Variants in SPECC1 observed in about 807,000 individuals in gnomAD.
SPECC1 encodes the protein sperm antigen with calponin homology and coiled-coil domains 1, also known as cytospin-B.
Under a neutral mutation model 104.1 loss-of-function variants are expected in SPECC1, and 62 were observed. That is an observed-to-expected ratio of 0.60 (90% CI 0.49 to 0.74). The LOEUF (loss-of-function observed/expected upper bound fraction) is 0.74, where lower values mean the gene tolerates loss of function less well. SPECC1 is among the 30% of genes least tolerant of loss of function. The probability of loss-of-function intolerance (pLI) is 0.00; values close to 1 mark genes in which losing one functional copy is unlikely to be tolerated. For synonymous variants in SPECC1, 513 were observed against 501.6 expected (o/e 1.02, Z -0.30); for missense variants, 1,306 against 1,310.5 (o/e 1.00, Z 0.05).
chr17:20,152,466 A>G (rs950742925), intron 3 of SPECC1, among the ~76,000 whole-genome samples: 13 of 151,638 alleles, frequency 8.6e-5, no homozygotes, highest in Admixed American at 7.9e-4. Context: ...GCCATAACCA[A>G]TTGCACAGAC....
chr17:20,255,077 A>G (rs932037911), intron 10 of SPECC1, among the ~76,000 whole-genome samples: 10 of 152,172 alleles, frequency 6.6e-5, no homozygotes, highest in Non-Finnish European at 1.5e-4. Flanking sequence ...TCTTTCTACC[A>G]TGTGCCTCTT....
chr17:20,062,363 G>C (rs1450266507), intron 1 of SPECC1, among the ~76,000 whole-genome samples: 1 of 151,828 alleles, frequency 6.6e-6, no homozygotes, highest in Non-Finnish European at 1.5e-5. Flanking sequence ...AAAATTTCAG[G>C]TATTTTTATT....
intron 2 of SPECC1, among the ~76,000 whole-genome samples, chr17:20,099,710 AAAAAAAAAAAC>A (rs1370751856): frequency 9.4e-5 from 14 of 148,982 alleles, no homozygotes; most frequent in African/African-American, 3.0e-4. Context: ...AAAAAAAAAA[AAAAAAAAAAAC>A]CCACAAAATA....
In SPECC1 at chr17:20,318,769, C is replaced by T. The variant is rs1306102846; in HGVS notation, c.*4704C>T. ...GCCTCAATTCACGGGGCATTTCACT[C>T]CTCTGATCCAGGTTAGAATTTTGCT... On this transcript the variant is annotated 3_prime_UTR_variant, in exon 15 of 15. Transcript: ENST00000395527. The T allele has an allele frequency of 4.6e-6, 1 of 217,238 alleles. No homozygotes were observed. The highest frequency in any genetic ancestry group is 9.3e-6 in the Non-Finnish European group (1 of 108,066). The allele number at this position is 217,238 out of a possible 1,614,324, so 13.5% of individuals were successfully genotyped here.
intron 1 of SPECC1, among the ~76,000 whole-genome samples, chr17:20,073,898 A>G (rs13339684): frequency 0.12 from 18,841 of 152,204 alleles, 1,162 homozygotes; most frequent in Non-Finnish European, 0.13. Flanking sequence ...GGGGGCTGAA[A>G]AAGGATTTGA....
intron 3 of SPECC1, among the ~76,000 whole-genome samples, chr17:20,120,442 A>G (rs890787838): frequency 2.6e-5 from 4 of 152,224 alleles, no homozygotes; most frequent in South Asian, 2.1e-4. Context: ...TAGAAATTAG[A>G]TGTTCACTGG....
chr17:20,199,080 C>CTTT (rs562975649), intron 3 of SPECC1, among the ~76,000 whole-genome samples: 14 of 76,578 alleles, frequency 1.8e-4, no homozygotes, highest in South Asian at 6.5e-4. Flanking sequence ...CTTATGGTAG[C>CTTT]TTTTTTTTTT....
intron 5 of SPECC1, among the ~76,000 whole-genome samples, chr17:20,229,250 A>T (rs115688289): frequency 2.2e-3 from 340 of 152,230 alleles, no homozygotes; most frequent in African/African-American, 7.9e-3. Context: ...AGTGCTGTCC[A>T]CTGTCCCCAA....
At chr17:20,243,255 T>C (rs1436723913) in intron 7 of SPECC1, among the ~76,000 whole-genome samples, 1 of 152,202 alleles carries the variant, frequency 6.6e-6, no homozygotes, top group Non-Finnish European at 1.5e-5. Context: ...CCAGTAGTGG[T>C]ACCTTGCAGT....
intron 4 of SPECC1, among the ~76,000 whole-genome samples, chr17:20,214,173 C>G (rs898514991): frequency 2.0e-5 from 3 of 152,192 alleles, no homozygotes; most frequent in Non-Finnish European, 4.4e-5. Flanking sequence ...ACTTTAGCCT[C>G]CCAGAGTGCT....
chr17:20,134,845 G>T (rs576824045), intron 3 of SPECC1, among the ~76,000 whole-genome samples: 1 of 152,324 alleles, frequency 6.6e-6, no homozygotes, highest in East Asian at 1.9e-4. Context: ...CCTTATGGAA[G>T]AGGAGAAAAG....
intron 12 of SPECC1, among the ~76,000 whole-genome samples, chr17:20,284,661 A>C (rs1404235116): frequency 6.6e-6 from 1 of 152,324 alleles, no homozygotes; most frequent in Admixed American, 6.5e-5. Context: ...CTTTTATTGC[A>C]CATGCTGAGC....
intron 3 of SPECC1, among the ~76,000 whole-genome samples, chr17:20,195,485 T>C (rs1281324037): frequency 6.6e-6 from 1 of 152,194 alleles, no homozygotes; most frequent in Non-Finnish European, 1.5e-5. Flanking sequence ...CATTCGATTA[T>C]GCTTCCTGTA....
At chr17:20,024,800 A>T (rs2044536629) in intron 1 of SPECC1, among the ~76,000 whole-genome samples, 1 of 151,990 alleles carries the variant, frequency 6.6e-6, no homozygotes, top group Non-Finnish European at 1.5e-5. Flanking sequence ...TTCCAGCTTC[A>T]TGGGTGGTAG....
chr17:20,148,543 G>GA lies in SPECC1; in HGVS notation c.283+37995dup, dbSNP rs10667828. ...AGCAAAAAGCAGTACATGTGCACTAGAAAAAAAAAAAAAAGGACAAGCAAT... is the reference window on the plus strand; with the variant it reads ...AGCAAAAAGCAGTACATGTGCACTAGAAAAAAAAAAAAAAAGGACAAGCAAT... On this transcript the variant is annotated intron_variant, in intron 3 of 14. Transcript: ENST00000395527. Among the ~76,000 whole-genome samples the GA allele has an allele frequency of 7.1e-3, 966 of 136,108 alleles. 4 individuals carry two copies. The highest frequency in any genetic ancestry group is 9.6e-3 in the African/African-American group (352 of 36,794). The allele number at this position is 136,108 out of a possible 152,430, so 89.3% of individuals were successfully genotyped here.
intron 1 of SPECC1, among the ~76,000 whole-genome samples, chr17:20,081,936 C>T (rs570713747): frequency 2.0e-5 from 3 of 152,272 alleles, no homozygotes; most frequent in Non-Finnish European, 2.9e-5. Flanking sequence ...GCTGGCTGGC[C>T]GTTCAGACTC....
intron 3 of SPECC1, among the ~76,000 whole-genome samples, chr17:20,173,707 A>G (rs533414987): frequency 6.6e-6 from 1 of 152,328 alleles, no homozygotes; most frequent in East Asian, 1.9e-4. Context: ...GCTAAGTGCA[A>G]AGTTGTGTGA....
At chr17:20,236,855 C>T in intron 7 of SPECC1, 1 of 1,613,820 alleles carries the variant, frequency 6.2e-7, no homozygotes. Context: ...TTTCTATTTT[C>T]ACAGCTCCCT....
intron 1 of SPECC1, among the ~76,000 whole-genome samples, chr17:20,077,471 G>GTT (rs566930401): frequency 6.6e-6 from 1 of 150,720 alleles, no homozygotes; most frequent in African/African-American, 2.4e-5. Context: ...TGTTTGTTTT[G>GTT]TTTTTTTGTT....
Sources: allele counts gnomAD v4.1 joint callset (sites outside exome capture counted in the v4.1 genomes callset), GRCh38; gene constraint gnomAD v4.1.1; transcripts MANE v1.5; gene names NCBI Gene and HGNC (gene_info 2026-07-23, HGNC 2026-07-21).